The following HECW1 variants were observed in gnomAD, a reference collection of about 807,000 sequenced individuals.
HECW1 encodes E3 ubiquitin-protein ligase HECW1.
A neutral mutation model predicts 182.3 loss-of-function variants in HECW1; 61 were observed. That is an observed-to-expected ratio of 0.33 (90% CI 0.27 to 0.41). The LOEUF (loss-of-function observed/expected upper bound fraction) is 0.41, where lower values mean the gene tolerates loss of function less well. Ranked by LOEUF, HECW1 falls within the 10% of genes least tolerant of loss-of-function variation. The probability of loss-of-function intolerance (pLI) is 1.00; values close to 1 mark genes in which losing one functional copy is unlikely to be tolerated. For synonymous variants in HECW1, 859 were observed against 832.6 expected, an observed-to-expected ratio of 1.03 and a Z score of -0.55; for missense variants, 1,739 against 2,108.9, an observed-to-expected ratio of 0.82 and a Z score of 3.44.
intron 5 of HECW1, among the ~76,000 whole-genome samples, chr7:43,332,602 C>G (rs745994717): frequency 2.4e-4 from 37 of 152,164 alleles, no homozygotes; most frequent in Non-Finnish European, 4.1e-4. Flanking sequence ...ACCACGGTGT[C>G]CAATTACACA....
chr7:43,511,438 G>A (rs867095454), intron 24 of HECW1: 3 of 152,252 alleles, frequency 2.0e-5, no homozygotes, highest in Non-Finnish European at 2.9e-5. Flanking sequence ...AGTCCCGAGA[G>A]TCCTCAGCCT....
At chr7:43,218,935 A>C (rs1029126775) in intron 2 of HECW1, among the ~76,000 whole-genome samples, 18 of 152,168 alleles carry the variant, frequency 1.2e-4, no homozygotes, top group African/African-American at 4.3e-4. Context: ...AGACAGAGAG[A>C]GCAGTGCCGG....
intron 5 of HECW1, among the ~76,000 whole-genome samples, chr7:43,357,356 A>T (rs1464970148): frequency 6.6e-6 from 1 of 152,198 alleles, no homozygotes; most frequent in Non-Finnish European, 1.5e-5. Flanking sequence ...GGATAAAGAA[A>T]ATGTGGTATG....
intron 3 of HECW1, among the ~76,000 whole-genome samples, chr7:43,263,975 TATCCCAACA>T: frequency 6.6e-6 from 1 of 152,242 alleles, no homozygotes; most frequent in Admixed American, 6.5e-5. Flanking sequence ...ACTGTGGGAT[TATCCCAACA>T]AATATATATT....
At chr7:43,551,851 G>C (rs2081841006) in intron 27 of HECW1, among the ~76,000 whole-genome samples, 2 of 152,222 alleles carry the variant, frequency 1.3e-5, no homozygotes, top group South Asian at 4.1e-4. Context: ...TTGGTGTCTG[G>C]TAAGGGGCCA....
chr7:43,211,027 A>T (rs1332833792), intron 2 of HECW1, among the ~76,000 whole-genome samples: 1 of 152,146 alleles, frequency 6.6e-6, no homozygotes, highest in Non-Finnish European at 1.5e-5. Flanking sequence ...CGGTCATTGT[A>T]TTGTCCCTCC....
intron 24 of HECW1, among the ~76,000 whole-genome samples, chr7:43,536,387 G>A (rs1585226099): frequency 1.3e-5 from 2 of 152,216 alleles, no homozygotes; most frequent in South Asian, 4.1e-4. Context: ...CCCAGGGGAG[G>A]CTCCATTCCT....
chr7:43,335,796 C>A lies in HECW1; in HGVS notation c.460+15054C>A, dbSNP rs544269549. Among the ~76,000 whole-genome samples the A allele has an allele frequency of 3.1e-4, 43 of 140,540 alleles. 2 individuals carry two copies. In the South Asian group the frequency reaches 9.3e-3, roughly 30 times the overall value. The allele number at this position is 140,540 out of a possible 152,430, so 92.2% of individuals were successfully genotyped here. ...TCTTTCTTCCTTTCTTCCTTCCTTC[C>A]TTCCATCTCTTTCCTTTTCTTCATT... On this transcript the variant is annotated intron_variant, in intron 5 of 29. Transcript: ENST00000395891.
intron 5 of HECW1, among the ~76,000 whole-genome samples, chr7:43,344,211 C>T (rs974788530): frequency 1.3e-5 from 2 of 151,738 alleles, no homozygotes; most frequent in Admixed American, 6.6e-5. Context: ...TGTAGGTTGC[C>T]TGTTCACTCT....
At chr7:43,113,746 C>A (rs1284098401) in intron 1 of HECW1, 2 of 223,018 alleles carry the variant, frequency 9.0e-6, no homozygotes, top group African/African-American at 4.5e-5. Context: ...CGGGCGGTGA[C>A]AATGCAGCAA....
chr7:43,187,668 G>A (rs911151741), intron 2 of HECW1, among the ~76,000 whole-genome samples: 5 of 151,884 alleles, frequency 3.3e-5, no homozygotes, highest in African/African-American at 7.3e-5. Flanking sequence ...TATATTAACC[G>A]TGATAATCTT....
intron 5 of HECW1, among the ~76,000 whole-genome samples, chr7:43,342,519 T>C (rs1813122011): frequency 1.3e-5 from 2 of 151,852 alleles, no homozygotes; most frequent in South Asian, 2.1e-4. Flanking sequence ...ACTCAATTTA[T>C]ATCACATTAT....
At chr7:43,252,055 G>T (rs1800094137) in intron 3 of HECW1, among the ~76,000 whole-genome samples, 6 of 152,144 alleles carry the variant, frequency 3.9e-5, no homozygotes, top group Admixed American at 2.0e-4. Context: ...TGTTGGTCTA[G>T]AATTCACTCC....
At chr7:43,312,583 G>A (rs1036766690) in intron 4 of HECW1, among the ~76,000 whole-genome samples, 24 of 152,190 alleles carry the variant, frequency 1.6e-4, no homozygotes, top group Non-Finnish European at 1.5e-5. Flanking sequence ...GGAGAAAGTT[G>A]ACTTGCCTTA....
In HECW1 at chr7:43,485,008, G is replaced by A. The variant is rs182444574; in HGVS notation, c.3234+5264G>A. Among the ~76,000 whole-genome samples the A allele has an allele frequency of 5.3e-5, 8 of 152,334 alleles. No individual in the cohort carries two copies. The East Asian group carries it at 1.5e-3, about 29-fold the overall frequency. On this transcript the variant is annotated intron_variant, in intron 17 of 29. Coordinates refer to ENST00000395891, the MANE Select transcript of HECW1 (RefSeq NM_015052.5). ...CCTAATATAAGTTGACATCAATAAGGAAGGATAAGCAGAGCACATAATTTT... is the reference window on the plus strand; with the variant it reads ...CCTAATATAAGTTGACATCAATAAGAAAGGATAAGCAGAGCACATAATTTT...
intron 2 of HECW1, among the ~76,000 whole-genome samples, chr7:43,181,827 G>A (rs746606369): frequency 1.5e-4 from 22 of 150,308 alleles, no homozygotes; most frequent in South Asian, 6.2e-4. Context: ...TCACTCTGTC[G>A]CCCAGGCTGG....
chr7:43,506,996 G>A (rs1386889833), intron 21 of HECW1, 141 bp from the exon 22 acceptor site: 1 of 961,934 alleles, frequency 1.0e-6, no homozygotes, highest in Non-Finnish European at 1.4e-6. Flanking sequence ...CTTGAACCCA[G>A]GAGGTGGAAG....
intron 16 of HECW1, among the ~76,000 whole-genome samples, chr7:43,470,165 T>C (rs981751148): frequency 5.3e-5 from 8 of 152,202 alleles, no homozygotes; most frequent in Non-Finnish European, 1.2e-4. Flanking sequence ...GACCTTCTCA[T>C]TGACTGGACG....
At chr7:43,275,112 C>T (rs1455223630) in intron 3 of HECW1, among the ~76,000 whole-genome samples, 6 of 152,218 alleles carry the variant, frequency 3.9e-5, no homozygotes, top group African/African-American at 1.4e-4. Context: ...ATAAGCTATA[C>T]AGATGTTCAT....
Sources: allele counts gnomAD v4.1 joint callset (sites outside exome capture counted in the v4.1 genomes callset), GRCh38; gene constraint gnomAD v4.1.1; transcripts MANE v1.5; gene names NCBI Gene and HGNC (gene_info 2026-07-23, HGNC 2026-07-21).